HS6ST3: variants seen among roughly 807,000 people sequenced by gnomAD.
HS6ST3 encodes the protein heparan-sulfate 6-O-sulfotransferase 3.
HS6ST3 carries 12 observed loss-of-function variants against 36.7 expected under a neutral mutation model. That is an observed-to-expected ratio of 0.33 (90% CI 0.21 to 0.53). The LOEUF (loss-of-function observed/expected upper bound fraction) is 0.53, where lower values mean the gene tolerates loss of function less well. Among genes scored for constraint, HS6ST3 ranks in the 20% least tolerant of loss-of-function variants. The pLI is 0.95. For missense variants in HS6ST3, 584 were observed against 640.9 expected (o/e 0.91, Z 0.96); for synonymous variants, 240 against 257.5 (o/e 0.93, Z 0.65).
chr13:96,110,589 A>T (rs9562027), intron 1 of HS6ST3, among the ~76,000 whole-genome samples: 61,139 of 151,522 alleles, frequency 0.4, 12,547 homozygotes, highest in Middle Eastern at 0.44. Flanking sequence ...GGTGCCCACC[A>T]CCATGCCCGG....
chr13:96,468,486 AC>A (rs2055825203), intron 1 of HS6ST3, among the ~76,000 whole-genome samples: 1 of 44,150 alleles, frequency 2.3e-5, no homozygotes, highest in African/African-American at 9.7e-5. Context: ...ATACACACAC[AC>A]ACACACACAC....
chr13:96,367,567 GCT>G (rs767074035), intron 1 of HS6ST3, among the ~76,000 whole-genome samples: 6 of 152,022 alleles, frequency 3.9e-5, no homozygotes, highest in Non-Finnish European at 4.4e-5. Flanking sequence ...GTTTTTATTG[GCT>G]CTTTCTTCTG....
At chr13:96,676,146 A>C (rs1411715375) in intron 1 of HS6ST3, among the ~76,000 whole-genome samples, 3 of 152,142 alleles carry the variant, frequency 2.0e-5, no homozygotes, top group African/African-American at 7.2e-5. Flanking sequence ...AGCAACAGAA[A>C]ATCATTTTCT....
In HS6ST3 at chr13:96,624,803, C is replaced by T. The variant is rs867613175; in HGVS notation, c.708-207687C>T. On this transcript the variant is annotated intron_variant, in intron 1 of 1. Coordinates refer to ENST00000376705, the MANE Select transcript of HS6ST3 (RefSeq NM_153456.4). ...GTTGGTGTATTAATCTTGTTCACAA[C>T]CATAAAATATACCATTGAATGAATA... is the stretch of plus-strand genomic sequence containing the variant. Among the ~76,000 whole-genome samples the T allele has an allele frequency of 5.9e-5, 9 of 152,304 alleles. No individual in the cohort carries two copies. In the East Asian group the frequency reaches 1.3e-3, roughly 23 times the overall value.
intron 1 of HS6ST3, among the ~76,000 whole-genome samples, chr13:96,692,739 A>G (rs921855655): frequency 6.6e-6 from 1 of 152,140 alleles, no homozygotes; most frequent in African/African-American, 2.4e-5. Flanking sequence ...AAATTTGTAA[A>G]CAAAAATGTA....
intron 1 of HS6ST3, among the ~76,000 whole-genome samples, chr13:96,306,348 C>T (rs2054913348): frequency 6.6e-6 from 1 of 151,874 alleles, no homozygotes; most frequent in African/African-American, 2.4e-5. Context: ...GTGATCTGCC[C>T]ACCTCGGCCT....
At chr13:96,608,668 G>A (rs1356153682) in intron 1 of HS6ST3, among the ~76,000 whole-genome samples, 3 of 152,194 alleles carry the variant, frequency 2.0e-5, no homozygotes, top group African/African-American at 7.2e-5. Context: ...TAGATTAAAA[G>A]TGACTTAAAC....
chr13:96,294,084 G>A (rs1436014900), intron 1 of HS6ST3, among the ~76,000 whole-genome samples: 2 of 152,088 alleles, frequency 1.3e-5, no homozygotes, highest in East Asian at 3.9e-4. Flanking sequence ...GATGGATTTG[G>A]TAAAGCTGTT....
intron 1 of HS6ST3, among the ~76,000 whole-genome samples, chr13:96,096,587 T>C (rs2053792387): frequency 6.6e-6 from 1 of 152,226 alleles, no homozygotes; most frequent in Non-Finnish European, 1.5e-5. Flanking sequence ...AAGGAAACTT[T>C]TTGTAAAGTC....
At chr13:96,769,704 C>G (rs1877209744) in intron 1 of HS6ST3, among the ~76,000 whole-genome samples, 1 of 149,426 alleles carries the variant, frequency 6.7e-6, no homozygotes, top group Non-Finnish European at 1.5e-5. Context: ...GGGACTTTTC[C>G]CCTGTTTAAT....
At chr13:96,105,711 T>G (rs767500175) in intron 1 of HS6ST3, among the ~76,000 whole-genome samples, 1 of 152,194 alleles carries the variant, frequency 6.6e-6, no homozygotes, top group Non-Finnish European at 1.5e-5. Flanking sequence ...GCAAGAGAGA[T>G]ATAATAATGT....
At chr13:96,381,439 A>ATCTATCTATCTATCTAT (rs2055341260) in intron 1 of HS6ST3, among the ~76,000 whole-genome samples, 1 of 71,016 alleles carries the variant, frequency 1.4e-5, no homozygotes, top group East Asian at 4.3e-4. Context: ...TCTATCTATC[A>ATCTATCTATCTATCTAT]CTCATTCCAA....
intron 1 of HS6ST3, among the ~76,000 whole-genome samples, chr13:96,172,188 A>T (rs911024492): frequency 6.6e-6 from 1 of 152,236 alleles, no homozygotes; most frequent in Non-Finnish European, 1.5e-5. Flanking sequence ...ATCATATTGG[A>T]CGCCCTCAAC....
chr13:96,259,451 C>CA (rs1194054107), intron 1 of HS6ST3, among the ~76,000 whole-genome samples: 1 of 151,916 alleles, frequency 6.6e-6, no homozygotes, highest in African/African-American at 2.4e-5. Flanking sequence ...TGGGATAGGT[C>CA]AAAAATGCTA....
At chr13:96,128,263 T>C (rs1334769414) in intron 1 of HS6ST3, among the ~76,000 whole-genome samples, 1 of 152,056 alleles carries the variant, frequency 6.6e-6, no homozygotes, top group Non-Finnish European at 1.5e-5. Context: ...ACTAATAGAG[T>C]TGACGTAGTG....
intron 1 of HS6ST3, among the ~76,000 whole-genome samples, chr13:96,572,163 C>T (rs72642776): frequency 1.3e-5 from 2 of 152,298 alleles, no homozygotes; most frequent in Non-Finnish European, 2.9e-5. Flanking sequence ...TGTCCCTTAA[C>T]CTCTATTTGT....
chr13:96,618,606 G>A (rs531728734), intron 1 of HS6ST3, among the ~76,000 whole-genome samples: 3 of 152,188 alleles, frequency 2.0e-5, no homozygotes, highest in South Asian at 4.2e-4. Context: ...CTTAACTTAC[G>A]GAGGGCTCTC....
At chr13:96,260,809 T>A (rs2054662640) in intron 1 of HS6ST3, among the ~76,000 whole-genome samples, 1 of 151,996 alleles carries the variant, frequency 6.6e-6, no homozygotes, top group Non-Finnish European at 1.5e-5. Context: ...CTAGCGAATT[T>A]TTGTATTTTT....
At chr13:96,371,175 T>G (rs1163620905) in intron 1 of HS6ST3, among the ~76,000 whole-genome samples, 1 of 152,196 alleles carries the variant, frequency 6.6e-6, no homozygotes, top group African/African-American at 2.4e-5. Context: ...TATATGTTAC[T>G]CTACCCCATA....
Sources: allele counts gnomAD v4.1 joint callset (sites outside exome capture counted in the v4.1 genomes callset), GRCh38; gene constraint gnomAD v4.1.1; transcripts MANE v1.5; gene names NCBI Gene and HGNC (gene_info 2026-07-23, HGNC 2026-07-21).